The following PALD1 variants were observed in gnomAD, a reference collection of about 807,000 sequenced individuals.
PALD1 encodes the protein paladin.
Under a neutral mutation model 96.0 loss-of-function variants are expected in PALD1, and 57 were observed. The observed-to-expected ratio is 0.59, with a 90% CI of 0.48 to 0.74. PALD1 has a LOEUF of 0.74. PALD1 is among the 30% of genes least tolerant of loss of function. The pLI is 0.00. For synonymous variants in PALD1, 464 were observed against 473.6 expected (o/e 0.98, Z 0.26); for missense variants, 1,063 against 1,143.7 (o/e 0.93, Z 1.02).
At chr10:70,516,638 T>TGACCTCCTGGGCTCAAGCG (rs1279757354) in intron 1 of PALD1, among the ~76,000 whole-genome samples, 1 of 151,976 alleles carries the variant, frequency 6.6e-6, no homozygotes, top group African/African-American at 2.4e-5. Flanking sequence ...ACTGTAGCCT[T>TGACCTCCTGGGCTCAAGCG]GACCTCCTGG....
the PALD1 span, among the ~76,000 whole-genome samples, chr10:70,468,756 A>G: frequency 7.7e-6 from 1 of 129,156 alleles, no homozygotes. Context: ...GTGTGTTTTG[A>G]GATGGAGTCT....
At chr10:70,509,117 G>A (rs769950429) in intron 1 of PALD1, among the ~76,000 whole-genome samples, 1 of 152,202 alleles carries the variant, frequency 6.6e-6, no homozygotes, top group African/African-American at 2.4e-5. Context: ...TGGCTGCCAG[G>A]GGCGTGTGAG....
At chr10:70,469,280 C>A in the PALD1 span, among the ~76,000 whole-genome samples, 8 of 152,178 alleles carry the variant, frequency 5.3e-5, no homozygotes, top group Non-Finnish European at 1.5e-5. Flanking sequence ...CCAGGCTCAG[C>A]CCTGGAGATT....
chr10:70,490,175 G>T (rs533132502), intron 1 of PALD1, among the ~76,000 whole-genome samples: 2 of 151,666 alleles, frequency 1.3e-5, no homozygotes, highest in South Asian at 4.2e-4. Context: ...CATCTGCCTC[G>T]GCCTCCCATA....
chr10:70,527,566 C>T (rs1283129842), intron 2 of PALD1, among the ~76,000 whole-genome samples: 1 of 152,164 alleles, frequency 6.6e-6, no homozygotes, highest in Admixed American at 6.5e-5. Flanking sequence ...GCTGTATGGC[C>T]CACAAAGCAA....
At chr10:70,517,028 TC>T (rs1292460472) in intron 1 of PALD1, among the ~76,000 whole-genome samples, 1 of 152,076 alleles carries the variant, frequency 6.6e-6, no homozygotes, top group Non-Finnish European at 1.5e-5. Flanking sequence ...TGGGCCAGTG[TC>T]CCCCAAACAC....
chr10:70,463,248 C>CA, the PALD1 span, among the ~76,000 whole-genome samples: 12 of 152,204 alleles, frequency 7.9e-5, no homozygotes, highest in South Asian at 2.1e-4. Context: ...ACTAAAAATG[C>CA]AAAAAATTAG....
At chr10:70,458,766 G>GTGTCCC in the PALD1 span, among the ~76,000 whole-genome samples, 39 of 152,358 alleles carry the variant, frequency 2.6e-4, no homozygotes, top group African/African-American at 9.4e-4. Flanking sequence ...TCAGCGGGAT[G>GTGTCCC]TGTCCCCTCC....
At position 70,532,892 on chromosome 10, in the gene PALD1, C is replaced by T. The variant is rs967551860; in HGVS notation, c.795-103C>T. On this transcript the variant is annotated intron_variant, in intron 6 of 19. Coordinates refer to ENST00000263563, the MANE Select transcript of PALD1 (RefSeq NM_014431.3). ...TGGGCGGAGTCCCCCACACCCATGT[C>T]TCCCACAGTGGGGCCCATTTCCAAA... is the stretch of plus-strand genomic sequence containing the variant. 5 of 1,505,728 alleles carry T rather than the reference C, an allele frequency of 3.3e-6. No homozygotes were observed. In the African/African-American group the frequency reaches 6.9e-5, roughly 21 times the overall value. The allele number at this position is 1,505,728 out of a possible 1,614,324, so 93.3% of individuals were successfully genotyped here. A position where few individuals can be genotyped will look rare whatever the true frequency, so the allele number is the denominator to read the frequency against.
chr10:70,477,142 G>T (rs1564678102), upstream of PALD1, among the ~76,000 whole-genome samples: 1 of 152,196 alleles, frequency 6.6e-6, no homozygotes, highest in Non-Finnish European at 1.5e-5. Flanking sequence ...GCATCCTCAG[G>T]ATGGCAGGCT....
intron 17 of PALD1, 36 bp downstream of exon 17, chr10:70,541,570 G>T: frequency 6.6e-7 from 1 of 1,523,898 alleles, no homozygotes; most frequent in Non-Finnish European, 9.1e-7. Flanking sequence ...AGGCACCTTG[G>T]GATGGGAGGA....
the PALD1 span, among the ~76,000 whole-genome samples, chr10:70,462,634 G>A: frequency 3.9e-5 from 6 of 152,242 alleles, no homozygotes; most frequent in African/African-American, 7.2e-5. Flanking sequence ...CAGCTGTGGC[G>A]TGAGCTGGCC....
chr10:70,478,650 C>T (rs1845868632), upstream of PALD1, among the ~76,000 whole-genome samples: 1 of 152,082 alleles, frequency 6.6e-6, no homozygotes, highest in African/African-American at 2.4e-5. Flanking sequence ...CCGGGGGCTG[C>T]GGCTGGGCTG....
At chr10:70,554,860 TAA>T (rs1025892622) in intron 18 of PALD1, among the ~76,000 whole-genome samples, 23 of 143,196 alleles carry the variant, frequency 1.6e-4, no homozygotes, top group African/African-American at 5.5e-4. Context: ...ATTTATTGTA[TAA>T]AGACTGTAGT....
At chr10:70,554,813 A>G (rs1847559079) in intron 18 of PALD1, among the ~76,000 whole-genome samples, 1 of 151,000 alleles carries the variant, frequency 6.6e-6, no homozygotes, top group Admixed American at 6.6e-5. Flanking sequence ...AGGGAGCCAC[A>G]CAGGGAGAAG....
chr10:70,567,273 T>C lies in PALD1; in HGVS notation c.*540T>C, dbSNP rs1847874781. ...GGGACAGTGTTCTGGATAGATCTATTATGTGAAAGGCAGCTTCACCCAGTT... is the reference window on the plus strand; with the variant it reads ...GGGACAGTGTTCTGGATAGATCTATCATGTGAAAGGCAGCTTCACCCAGTT... On this transcript the variant is annotated 3_prime_UTR_variant, in exon 20 of 20. Transcript: ENST00000263563. The C allele has an allele frequency of 6.5e-6, 1 of 152,932 alleles. No homozygotes were observed. Among genetic ancestry groups the C allele is most frequent in the Non-Finnish European group, 1.5e-5 (1 of 68,320 alleles). The allele number at this position is 152,932 out of a possible 1,614,324, so 9.5% of individuals were successfully genotyped here. A position where few individuals can be genotyped will look rare whatever the true frequency, so the allele number is the denominator to read the frequency against.
chr10:70,512,420 A>G (rs1411147328), intron 1 of PALD1, among the ~76,000 whole-genome samples: 6 of 152,250 alleles, frequency 3.9e-5, no homozygotes, highest in Admixed American at 3.9e-4. Flanking sequence ...AGAAAGCCAC[A>G]TGCTGTAGGC....
intron 6 of PALD1, 53 bp from the exon 7 acceptor site, chr10:70,532,942 G>T: frequency 1.3e-6 from 2 of 1,535,986 alleles, no homozygotes; most frequent in Non-Finnish European, 1.8e-6. Flanking sequence ...AGGGGGTGAG[G>T]GGGATTCCCA....
At chr10:70,534,151 T>TG (rs1847057908) in intron 8 of PALD1, 78 bp downstream of exon 8, 3 of 1,410,060 alleles carry the variant, frequency 2.1e-6, no homozygotes, top group Non-Finnish European at 2.8e-6. Context: ...TGTGGGGACA[T>TG]GTCTAGGAGC....
Sources: gnomAD v4.1 joint callset for allele counts (sites outside exome capture counted in the v4.1 genomes callset) on GRCh38, gnomAD v4.1.1 for gene constraint, MANE v1.5 for transcripts, NCBI Gene and HGNC (gene_info 2026-07-23, HGNC 2026-07-21) for gene names.